Variants in IFNAR2 observed in about 807,000 individuals in gnomAD.
IFNAR2 encodes the protein interferon alpha/beta receptor 2.
Under a neutral mutation model 49.4 loss-of-function variants are expected in IFNAR2, and 30 were observed. That is an observed-to-expected ratio of 0.61 (90% CI 0.45 to 0.82). The LOEUF (loss-of-function observed/expected upper bound fraction) is 0.82, where lower values mean the gene tolerates loss of function less well. Ranked by LOEUF, IFNAR2 falls within the 40% of genes least tolerant of loss-of-function variation. The pLI is 0.00. For missense variants in IFNAR2, 600 were observed against 622.7 expected (o/e 0.96, Z 0.39); for synonymous variants, 224 against 234.5 (o/e 0.96, Z 0.41).
intron 4 of IFNAR2, among the ~76,000 whole-genome samples, chr21:33,245,450 A>G (rs193074817): frequency 4.7e-4 from 71 of 152,348 alleles, no homozygotes; most frequent in African/African-American, 1.6e-3. Flanking sequence ...CCAAAGGTCT[A>G]TTGACCATAT....
chr21:33,262,671 C>T (rs1197560287), intron 8 of IFNAR2, 122 bp from the exon 9 acceptor site: 1 of 1,391,924 alleles, frequency 7.2e-7, no homozygotes, highest in East Asian at 2.3e-5. Context: ...TAAGCTTCCC[C>T]AGTAGCTGGG....
At position 33,264,188 on chromosome 21, in the gene IFNAR2, G is replaced by C. The variant is rs1255804439; in HGVS notation, c.*688G>C. On this transcript the variant is annotated 3_prime_UTR_variant, in exon 9 of 9. Coordinates refer to ENST00000342136, the MANE Select transcript of IFNAR2 (RefSeq NM_001289125.3). The stretch of plus-strand genomic sequence containing the variant: ...CTGTGATATTTCTGTGAAATAAATT[G>C]GGCCAGGGTGGGAGCAGGGAAAGAA... The C allele has an allele frequency of 6.6e-6, 1 of 152,168 alleles. No individual in the cohort carries two copies. The highest frequency in any genetic ancestry group is 1.5e-5 in the Non-Finnish European group (1 of 68,088). The allele number at this position is 152,168 out of a possible 1,614,324, so 9.4% of individuals were successfully genotyped here.
At chr21:33,257,847 ACCACAGATGG>A (rs747900382) in intron 7 of IFNAR2, among the ~76,000 whole-genome samples, 3 of 152,152 alleles carry the variant, frequency 2.0e-5, no homozygotes, top group Admixed American at 6.5e-5. Flanking sequence ...CACAGCATCC[ACCACAGATGG>A]CCACAGATGG....
At chr21:33,244,688 GA>G (rs1987255629) in intron 3 of IFNAR2, among the ~76,000 whole-genome samples, 1 of 152,200 alleles carries the variant, frequency 6.6e-6, no homozygotes, top group Non-Finnish European at 1.5e-5. Flanking sequence ...GGGCATCGGA[GA>G]AGCCCTTCTG....
intron 2 of IFNAR2, 121 bp from the exon 3 acceptor site, chr21:33,243,552 C>T (rs1987154231): frequency 1.1e-6 from 1 of 906,946 alleles, no homozygotes; most frequent in Admixed American, 2.0e-5. Context: ...TTTTTTGGCA[C>T]AAGAAAAATC....
At chr21:33,244,681 C>T (rs1987254701) in intron 3 of IFNAR2, among the ~76,000 whole-genome samples, 1 of 152,168 alleles carries the variant, frequency 6.6e-6, no homozygotes, top group Admixed American at 6.5e-5. Flanking sequence ...AGTCCAAGGG[C>T]ATCGGAGAAG....
intron 1 of IFNAR2, chr21:33,234,691 T>G: frequency 2.1e-6 from 2 of 965,834 alleles, no homozygotes; most frequent in South Asian, 4.8e-5. Flanking sequence ...TCAGGGTGAA[T>G]AGCAGGTAGA....
chr21:33,246,306 G>A (rs932602647), intron 4 of IFNAR2, among the ~76,000 whole-genome samples: 6 of 152,024 alleles, frequency 3.9e-5, no homozygotes, highest in South Asian at 2.1e-4. Flanking sequence ...TCCTGACCTC[G>A]TGATCCGCCC....
intron 7 of IFNAR2, among the ~76,000 whole-genome samples, chr21:33,256,043 A>C (rs966117197): frequency 6.6e-6 from 1 of 152,244 alleles, no homozygotes; most frequent in Non-Finnish European, 1.5e-5. Flanking sequence ...TCTTATAGAC[A>C]ATAAAAACTG....
rs375585715 is a variant in IFNAR2, at chr21:33,252,804, C to G, written c.683C>G (p.Thr228Ser). 6.8e-6 allele frequency: 11 copies of G among 1,613,808 alleles called. No homozygotes were observed. Among genetic ancestry groups the G allele is most frequent in the Non-Finnish European group, 9.3e-6 (11 of 1,179,734 alleles). The change falls in exon 7 of 9, where the codon ACC becomes AGC. Residue 228 changes from threonine to serine, a missense_variant. By Grantham distance (58) the Thr-to-Ser change is moderately conservative. Transcript: ENST00000342136. Reference sequence around the variant, plus strand: ...GTAATAAAGTCTCCCTTAAAATGCACCCTCCTTCCACCTGGCCAGGAATCA... The same window carrying G: ...GTAATAAAGTCTCCCTTAAAATGCAGCCTCCTTCCACCTGGCCAGGAATCA... The part of the protein sequence containing the change: ...QAVIKSPLKC[T>S]LLPPGQESES...
At chr21:33,254,007 T>C (rs1250590563) in intron 7 of IFNAR2, among the ~76,000 whole-genome samples, 1 of 151,778 alleles carries the variant, frequency 6.6e-6, no homozygotes, top group Non-Finnish European at 1.5e-5. Context: ...CAGCTCAAGA[T>C]GGAGTTGCTC....
intron 8 of IFNAR2, among the ~76,000 whole-genome samples, chr21:33,262,334 A>G (rs1449548931): frequency 6.9e-6 from 1 of 145,796 alleles, no homozygotes; most frequent in African/African-American, 2.6e-5. Context: ...ACTGCACTCC[A>G]GCCTGGGCAA....
intron 8 of IFNAR2, chr21:33,262,458 G>C: frequency 3.2e-6 from 2 of 623,886 alleles, no homozygotes; most frequent in South Asian, 1.9e-5. Context: ...GTCATGCCCA[G>C]CATATAGTAA....
At chr21:33,251,078 A>G (rs1987803925) in intron 6 of IFNAR2, among the ~76,000 whole-genome samples, 1 of 152,198 alleles carries the variant, frequency 6.6e-6, no homozygotes, top group Admixed American at 6.5e-5. Flanking sequence ...TTCTTGGTGC[A>G]TGTTGAATGC....
chr21:33,242,074 C>T, intron 2 of IFNAR2, 97 bp downstream of exon 2: 1 of 1,144,012 alleles, frequency 8.7e-7, no homozygotes, highest in Non-Finnish European at 1.3e-6. Context: ...ATTTCCCTGA[C>T]TAGAGGACCC....
intron 4 of IFNAR2, 74 bp downstream of exon 4, chr21:33,245,148 C>T (rs1453667437): frequency 2.1e-5 from 22 of 1,051,040 alleles, no homozygotes; most frequent in Non-Finnish European, 3.1e-5. Flanking sequence ...GATCTTTTCT[C>T]TCTCTCTGTC....
At chr21:33,238,563 C>T (rs1311095541) in intron 1 of IFNAR2, among the ~76,000 whole-genome samples, 1 of 152,060 alleles carries the variant, frequency 6.6e-6, no homozygotes, top group Non-Finnish European at 1.5e-5. Flanking sequence ...CCTTTCTCAC[C>T]TTGGAGTAGG....
At chr21:33,260,404 A>G (rs1454369508) in intron 7 of IFNAR2, among the ~76,000 whole-genome samples, 193 bp from the exon 8 acceptor site, 1 of 152,220 alleles carries the variant, frequency 6.6e-6, no homozygotes, top group Non-Finnish European at 1.5e-5. Flanking sequence ...TTTAAAAGCT[A>G]AGTCTATTTT....
chr21:33,239,865 T>G (rs1315302623), intron 1 of IFNAR2, among the ~76,000 whole-genome samples: 2 of 4,488 alleles, frequency 4.5e-4, no homozygotes, highest in African/African-American at 1.4e-3. Flanking sequence ...AGGTTCTATA[T>G]TCTCCCTTCT....
Sources: gnomAD v4.1 joint callset for allele counts (sites outside exome capture counted in the v4.1 genomes callset) on GRCh38, gnomAD v4.1.1 for gene constraint, MANE v1.5 for transcripts, NCBI Gene and HGNC (gene_info 2026-07-23, HGNC 2026-07-21) for gene names.